CSMD1: variants seen among roughly 807,000 people sequenced by gnomAD.
The protein encoded by CSMD1 is CUB and Sushi multiple domains 1.
A neutral mutation model predicts 417.5 loss-of-function variants in CSMD1; 213 were observed. That is an observed-to-expected ratio of 0.51 (90% CI 0.46 to 0.57). The LOEUF (loss-of-function observed/expected upper bound fraction) is 0.57. Among genes scored for constraint, CSMD1 ranks in the 20% least tolerant of loss-of-function variants. The pLI is 0.00. For synonymous variants in CSMD1, 2,862 were observed against 1,736.8 expected (o/e 1.65, Z -16.11); for missense variants, 6,923 against 4,529.7 (o/e 1.53, Z -15.17).
intron 2 of CSMD1, among the ~76,000 whole-genome samples, chr8:4,576,280 G>T (rs562963049): frequency 6.6e-6 from 1 of 152,172 alleles, no homozygotes; most frequent in African/African-American, 2.4e-5. Flanking sequence ...GCTTCCTCTT[G>T]CCACAGGGCA....
intron 4 of CSMD1, among the ~76,000 whole-genome samples, chr8:4,025,946 A>G (rs543147882): frequency 3.3e-5 from 5 of 152,044 alleles, no homozygotes; most frequent in South Asian, 2.1e-4. Flanking sequence ...TAAATTATAA[A>G]CTTTTATAAC....
rs1010953946 is a variant in CSMD1, at chr8:3,179,102, C to T, written c.5725+2008G>A. On this transcript the variant is annotated intron_variant, in intron 37 of 69. Transcript: ENST00000635120. ...AGCTGGGACTACAGGCCCGCCACCA[C>T]GCCTGGCTAATTCTTTGTATTTTTA... is the stretch of plus-strand genomic sequence containing the variant. Among the ~76,000 whole-genome samples, 62 of 151,744 alleles carry T rather than the reference C, an allele frequency of 4.1e-4. 1 individual carries two copies. The highest frequency in any genetic ancestry group is 7.9e-4 in the Admixed American group (12 of 15,260).
intron 6 of CSMD1, among the ~76,000 whole-genome samples, chr8:3,747,712 GTTCC>G (rs1381311996): frequency 6.6e-6 from 1 of 151,870 alleles, no homozygotes; most frequent in African/African-American, 2.4e-5. Context: ...TGCCTGAAAT[GTTCC>G]TTATGTTCAG....
At chr8:4,252,010 A>G (rs1316745478) in intron 3 of CSMD1, among the ~76,000 whole-genome samples, 3 of 152,150 alleles carry the variant, frequency 2.0e-5, no homozygotes, top group Admixed American at 2.0e-4. Context: ...TAGAGAACTT[A>G]CGTATTTTTG....
intron 25 of CSMD1, among the ~76,000 whole-genome samples, chr8:3,297,009 CG>C (rs1321231169): frequency 6.6e-6 from 1 of 152,056 alleles, no homozygotes; most frequent in African/African-American, 2.4e-5. Context: ...ATGAAATCTT[CG>C]AAGTTCTTAG....
intron 2 of CSMD1, among the ~76,000 whole-genome samples, chr8:4,503,126 T>C (rs1802343914): frequency 6.6e-6 from 1 of 152,192 alleles, no homozygotes. Flanking sequence ...CTATGTGTAA[T>C]GGATATGCTT....
chr8:4,257,044 C>T (rs1803509013), intron 3 of CSMD1, among the ~76,000 whole-genome samples: 1 of 152,118 alleles, frequency 6.6e-6, no homozygotes, highest in Non-Finnish European at 1.5e-5. Context: ...AGGAAAAGTG[C>T]CTGTGTCATC....
At chr8:3,253,819 T>A (rs1167657567) in intron 26 of CSMD1, among the ~76,000 whole-genome samples, 1 of 152,216 alleles carries the variant, frequency 6.6e-6, no homozygotes, top group Non-Finnish European at 1.5e-5. Context: ...GGGTCTTGAC[T>A]CTTTATCCAA....
At chr8:3,697,568 T>C (rs780819770) in intron 7 of CSMD1, among the ~76,000 whole-genome samples, 3 of 152,202 alleles carry the variant, frequency 2.0e-5, no homozygotes, top group Non-Finnish European at 4.4e-5. Context: ...GACTTGCTCA[T>C]GTAAGATGAT....
intron 5 of CSMD1, among the ~76,000 whole-genome samples, chr8:3,897,445 G>C (rs1237953480): frequency 1.3e-5 from 2 of 151,970 alleles, no homozygotes; most frequent in Non-Finnish European, 2.9e-5. Flanking sequence ...TTCAATTTAT[G>C]ATCTTAAAGT....
Position 4,791,895 on chromosome 8 carries a change from T to C in CSMD1, c.86-154337A>G, listed in dbSNP as rs548513204. 2.0e-4 allele frequency among the ~76,000 whole-genome samples: 31 copies of C among 151,914 alleles called. No homozygotes were observed. The South Asian group carries it at 6.2e-3, about 31-fold the overall frequency. On this transcript the variant is annotated intron_variant, in intron 1 of 69. Coordinates refer to ENST00000635120, the MANE Select transcript of CSMD1 (RefSeq NM_033225.6). ...TAGCTTGCATTCAGCAACAATTGGTTCATCTTATTCGAAAAGGTAGATTAA... is the reference window on the plus strand; with the variant it reads ...TAGCTTGCATTCAGCAACAATTGGTCCATCTTATTCGAAAAGGTAGATTAA...
intron 3 of CSMD1, among the ~76,000 whole-genome samples, chr8:4,399,208 T>C (rs1472421086): frequency 6.6e-6 from 1 of 152,210 alleles, no homozygotes. Flanking sequence ...ATTTACTATG[T>C]GTTTAAATAT....
In CSMD1 at chr8:4,469,015, A is replaced by G. The variant is rs200419495; in HGVS notation, c.303-48950T>C. On this transcript the variant is annotated intron_variant, in intron 2 of 69. Coordinates refer to ENST00000635120, the MANE Select transcript of CSMD1 (RefSeq NM_033225.6). Reference sequence around the variant, plus strand: ...TATCAGAGACTCTAAAAGGAAAAAAAGTTCAAAAGACAATGCTATACTCTC... The same window carrying G: ...TATCAGAGACTCTAAAAGGAAAAAAGGTTCAAAAGACAATGCTATACTCTC... 9.2e-5 allele frequency among the ~76,000 whole-genome samples: 14 copies of G among 152,328 alleles called. No homozygotes were observed. The East Asian group carries it at 2.7e-3, about 29-fold the overall frequency.
intron 2 of CSMD1, among the ~76,000 whole-genome samples, chr8:4,611,039 T>C (rs562197615): frequency 5.5e-4 from 83 of 152,286 alleles, no homozygotes; most frequent in African/African-American, 1.9e-3. Flanking sequence ...TTTTTTTTTC[T>C]TTTTGGTCTA....
chr8:3,238,354 C>T (rs1017171635), intron 26 of CSMD1, among the ~76,000 whole-genome samples: 2 of 152,060 alleles, frequency 1.3e-5, no homozygotes, highest in Non-Finnish European at 2.9e-5. Flanking sequence ...TGGATGTGTA[C>T]ATGCAGGTCA....
intron 2 of CSMD1, among the ~76,000 whole-genome samples, chr8:4,514,509 A>C (rs563620884): frequency 4.6e-5 from 7 of 152,188 alleles, no homozygotes; most frequent in Non-Finnish European, 1.0e-4. Flanking sequence ...ATCAACGAAG[A>C]GGGAACATCG....
intron 2 of CSMD1, among the ~76,000 whole-genome samples, chr8:4,622,473 G>C (rs139767811): frequency 6.6e-6 from 1 of 152,206 alleles, no homozygotes; most frequent in Non-Finnish European, 1.5e-5. Context: ...ATGCTGACTG[G>C]CACATAATCA....
At chr8:4,322,640 T>A (rs1192645024) in intron 3 of CSMD1, among the ~76,000 whole-genome samples, 1 of 152,026 alleles carries the variant, frequency 6.6e-6, no homozygotes, top group Non-Finnish European at 1.5e-5. Context: ...TTGAGAAAAA[T>A]CTAAGAATAA....
chr8:4,637,993 T>C (rs969496127), intron 1 of CSMD1, among the ~76,000 whole-genome samples: 1 of 152,192 alleles, frequency 6.6e-6, no homozygotes, highest in African/African-American at 2.4e-5. Flanking sequence ...CAACATTTTA[T>C]AATTCTTGCA....
Sources: allele counts gnomAD v4.1 joint callset (sites outside exome capture counted in the v4.1 genomes callset), GRCh38; gene constraint gnomAD v4.1.1; transcripts MANE v1.5; gene names NCBI Gene and HGNC (gene_info 2026-07-23, HGNC 2026-07-21).